Variants in LRMDA observed in about 807,000 individuals in gnomAD.
The protein encoded by LRMDA is leucine-rich melanocyte differentiation-associated protein.
Under a neutral mutation model 29.8 loss-of-function variants are expected in LRMDA, and 18 were observed. The ratio of observed to expected loss-of-function variants is 0.60; its 90% CI spans 0.42 to 0.90. LRMDA has a LOEUF of 0.90. Among genes scored for constraint, LRMDA ranks in the 40% least tolerant of loss-of-function variants. The pLI, the probability that LRMDA is intolerant of heterozygous loss-of-function variation, is 0.00. For synonymous variants in LRMDA, 125 were observed against 109.4 expected, an observed-to-expected ratio of 1.14 and a Z score of -0.89; for missense variants, 273 against 273.9, an observed-to-expected ratio of 1.00 and a Z score of 0.02.
intron 6 of LRMDA, among the ~76,000 whole-genome samples, chr10:76,344,276 A>G (rs1342337689): frequency 6.6e-6 from 1 of 152,190 alleles, no homozygotes; most frequent in East Asian, 1.9e-4. Context: ...AACTTCATTT[A>G]CAAAAGCAAC....
intron 2 of LRMDA, among the ~76,000 whole-genome samples, chr10:75,576,431 T>G (rs547030013): frequency 6.6e-6 from 1 of 152,114 alleles, no homozygotes; most frequent in South Asian, 2.1e-4. Flanking sequence ...GAAGGGGCAG[T>G]TGGGGGGTGC....
At chr10:76,509,005 C>T (rs779205575) in intron 6 of LRMDA, among the ~76,000 whole-genome samples, 2 of 152,136 alleles carry the variant, frequency 1.3e-5, no homozygotes, top group Non-Finnish European at 2.9e-5. Flanking sequence ...GAGTCTAGTA[C>T]TATTTGCCTC....
rs567592881 is a variant in LRMDA, at chr10:76,138,077, A to G, written c.516+79294A>G. Among the ~76,000 whole-genome samples, 13 of 152,324 alleles carry G rather than the reference A, an allele frequency of 8.5e-5. No individual in the cohort carries two copies. In the South Asian group the frequency reaches 1.7e-3, roughly 19 times the overall value. On this transcript the variant is annotated intron_variant, in intron 5 of 6. Coordinates refer to ENST00000611255, the MANE Select transcript of LRMDA (RefSeq NM_001305581.2). ...TTTTTACCTTATAATTCCCTGTTTAAACCTGGACAACTTTAATTGGGGATT... is the reference window on the plus strand; with the variant it reads ...TTTTTACCTTATAATTCCCTGTTTAGACCTGGACAACTTTAATTGGGGATT...
chr10:76,002,318 G>C (rs1230922155), intron 2 of LRMDA, among the ~76,000 whole-genome samples: 3 of 152,164 alleles, frequency 2.0e-5, no homozygotes, highest in Admixed American at 2.0e-4. Flanking sequence ...TCAAACTACT[G>C]TCACATTGAG....
intron 6 of LRMDA, among the ~76,000 whole-genome samples, chr10:76,343,214 A>G (rs1233155536): frequency 6.6e-6 from 1 of 152,210 alleles, no homozygotes; most frequent in African/African-American, 2.4e-5. Flanking sequence ...TTACAGAAGT[A>G]TATTTACAGA....
chr10:75,929,707 T>C (rs1029537246), intron 2 of LRMDA, among the ~76,000 whole-genome samples: 2 of 152,214 alleles, frequency 1.3e-5, no homozygotes, highest in Admixed American at 6.5e-5. Context: ...ATTTTGGTTT[T>C]GTTTGATTTC....
chr10:76,337,929 C>T (rs1215552136), intron 6 of LRMDA, among the ~76,000 whole-genome samples: 1 of 152,054 alleles, frequency 6.6e-6, no homozygotes, highest in Non-Finnish European at 1.5e-5. Flanking sequence ...TTTTGGTTTG[C>T]TTATGTAGGA....
At chr10:76,475,622 A>C (rs1225655059) in intron 6 of LRMDA, among the ~76,000 whole-genome samples, 1 of 152,156 alleles carries the variant, frequency 6.6e-6, no homozygotes, top group African/African-American at 2.4e-5. Context: ...CACCACACTT[A>C]TTCCAAAATT....
intron 2 of LRMDA, among the ~76,000 whole-genome samples, chr10:75,773,095 T>C (rs990888227): frequency 6.6e-6 from 1 of 152,226 alleles, no homozygotes; most frequent in Non-Finnish European, 1.5e-5. Flanking sequence ...GTTGACATTT[T>C]AGGTAGAAAA....
intron 2 of LRMDA, among the ~76,000 whole-genome samples, chr10:75,721,158 A>G (rs555288894): frequency 3.9e-5 from 6 of 152,294 alleles, no homozygotes; most frequent in Non-Finnish European, 8.8e-5. Context: ...AGTATGTGAC[A>G]TTAGCCTTTG....
intron 5 of LRMDA, among the ~76,000 whole-genome samples, chr10:76,277,945 A>G (rs1840156862): frequency 6.6e-6 from 1 of 152,194 alleles, no homozygotes; most frequent in South Asian, 2.1e-4. Flanking sequence ...CTGGGTCATC[A>G]TGGAATTTTC....
At chr10:75,735,238 C>T (rs1589177713) in intron 2 of LRMDA, among the ~76,000 whole-genome samples, 1 of 152,126 alleles carries the variant, frequency 6.6e-6, no homozygotes, top group Non-Finnish European at 1.5e-5. Context: ...TTCAGAAAGT[C>T]AGTCCTGAGA....
chr10:76,345,215 C>T (rs1294603028), intron 6 of LRMDA, among the ~76,000 whole-genome samples: 5 of 149,672 alleles, frequency 3.3e-5, no homozygotes, highest in Admixed American at 6.6e-5. Flanking sequence ...TACAGGCGCC[C>T]GCTACCACGC....
At chr10:76,057,404 A>G (rs928181556) in intron 4 of LRMDA, among the ~76,000 whole-genome samples, 1 of 152,220 alleles carries the variant, frequency 6.6e-6, no homozygotes, top group Non-Finnish European at 1.5e-5. Flanking sequence ...CTGGTATGTT[A>G]TTGACTCCAT....
At chr10:75,563,979 G>T (rs1332498835) in intron 2 of LRMDA, among the ~76,000 whole-genome samples, 2 of 152,208 alleles carry the variant, frequency 1.3e-5, no homozygotes, top group Non-Finnish European at 2.9e-5. Flanking sequence ...CAGGGGTCAG[G>T]GGTCAGGGAC....
intron 2 of LRMDA, among the ~76,000 whole-genome samples, chr10:75,589,747 G>C (rs1368965648): frequency 6.9e-6 from 1 of 145,860 alleles, no homozygotes; most frequent in South Asian, 2.3e-4. Context: ...CTGGGAGATA[G>C]AGACCCTGTC....
At chr10:75,879,699 G>T (rs1564595024) in intron 2 of LRMDA, among the ~76,000 whole-genome samples, 1 of 152,168 alleles carries the variant, frequency 6.6e-6, no homozygotes, top group Non-Finnish European at 1.5e-5. Flanking sequence ...AAAAGCCATT[G>T]AGGTTGGGAA....
intron 6 of LRMDA, among the ~76,000 whole-genome samples, chr10:76,476,038 A>C (rs1842666532): frequency 6.6e-6 from 1 of 152,176 alleles, no homozygotes; most frequent in African/African-American, 2.4e-5. Flanking sequence ...AAGGCAAGAA[A>C]TAACTAAGAT....
chr10:76,271,282 C>T (rs1414487638), intron 5 of LRMDA, among the ~76,000 whole-genome samples: 1 of 152,048 alleles, frequency 6.6e-6, no homozygotes, highest in Admixed American at 6.5e-5. Context: ...GTGGCATGCA[C>T]CTGTAATCCC....
Sources: allele counts gnomAD v4.1 joint callset (sites outside exome capture counted in the v4.1 genomes callset), GRCh38; gene constraint gnomAD v4.1.1; transcripts MANE v1.5; gene names NCBI Gene and HGNC (gene_info 2026-07-23, HGNC 2026-07-21).